CNKSR2: variants seen among roughly 807,000 people sequenced by gnomAD.
CNKSR2 encodes the protein CNK homolog protein 2.
CNKSR2 carries 14 observed loss-of-function variants against 84.4 expected under a neutral mutation model. That is an observed-to-expected ratio of 0.17 (90% CI 0.11 to 0.26). CNKSR2 has a LOEUF of 0.26. CNKSR2 is among the 10% of genes least tolerant of loss of function. The pLI is 1.00. For synonymous variants in CNKSR2, 275 were observed against 277.9 expected (o/e 0.99, Z 0.10); for missense variants, 485 against 771.2 (o/e 0.63, Z 4.40).
chrX:21,446,067 T>C (rs2090850657), intron 4 of CNKSR2, among the ~76,000 whole-genome samples: 1 of 111,961 alleles, frequency 8.9e-6, no homozygotes, highest in Non-Finnish European at 1.9e-5. Flanking sequence ...ACAGTATTTT[T>C]TCATTTCCTT....
intron 1 of CNKSR2, among the ~76,000 whole-genome samples, chrX:21,385,824 T>G (rs1353824174): frequency 9.0e-6 from 1 of 110,650 alleles, no homozygotes. Context: ...GGGCTATAGT[T>G]TTTGTGTCCT....
intron 7 of CNKSR2, 107 bp from the exon 8 acceptor site, chrX:21,501,413 A>T: frequency 2.5e-6 from 1 of 402,554 alleles, no homozygotes; most frequent in Non-Finnish European, 4.1e-6. Context: ...ATTTTTAATT[A>T]ATTTTTAAAT....
intron 17 of CNKSR2, among the ~76,000 whole-genome samples, chrX:21,600,805 T>C (rs780273904): frequency 1.5e-3 from 172 of 112,628 alleles, no homozygotes; most frequent in Non-Finnish European, 2.9e-3. Flanking sequence ...GTGTTTCCTG[T>C]TAGATTGTTA....
intron 20 of CNKSR2, among the ~76,000 whole-genome samples, chrX:21,610,154 G>A (rs1251124045): frequency 8.9e-6 from 1 of 112,132 alleles, no homozygotes. Context: ...ATTTCACATA[G>A]CATTTCTTTC....
At chrX:21,649,831 T>G (rs2092716204) in intron 21 of CNKSR2, among the ~76,000 whole-genome samples, 1 of 111,808 alleles carries the variant, frequency 8.9e-6, no homozygotes, top group Non-Finnish European at 1.9e-5. Context: ...AAAAAGCTCA[T>G]CATCACTGGT....
chrX:21,608,756 T>C (rs749415623), intron 19 of CNKSR2, among the ~76,000 whole-genome samples: 2 of 112,237 alleles, frequency 1.8e-5, no homozygotes, highest in African/African-American at 3.2e-5. Context: ...GTTTTTAAAG[T>C]GAAATTTTTG....
intron 1 of CNKSR2, among the ~76,000 whole-genome samples, chrX:21,401,783 A>G (rs2090195063): frequency 8.9e-6 from 1 of 111,797 alleles, no homozygotes; most frequent in African/African-American, 3.2e-5. Flanking sequence ...ATCCTGGGAA[A>G]CTTCTAATGT....
chrX:21,423,065 C>CCTTT (rs1425178986), intron 1 of CNKSR2, among the ~76,000 whole-genome samples: 1 of 111,724 alleles, frequency 9.0e-6, no homozygotes, highest in Non-Finnish European at 1.9e-5. Context: ...AAACAATATA[C>CCTTT]TTAAATGCCT....
chrX:21,644,902 G>A (rs1339756006), intron 20 of CNKSR2: 1 of 112,114 alleles, frequency 8.9e-6, no homozygotes, highest in East Asian at 2.8e-4. Flanking sequence ...ATCAGAAAAA[G>A]TTTGGAAACC....
chrX:21,493,505 G>A (rs185962689), intron 6 of CNKSR2: 17 of 112,085 alleles, frequency 1.5e-4, no homozygotes, highest in African/African-American at 5.5e-4. Context: ...GGCAACCTGA[G>A]CAGGAGAGAG....
chrX:21,627,495 T>A (rs1168143543), intron 20 of CNKSR2, among the ~76,000 whole-genome samples: 2 of 110,465 alleles, frequency 1.8e-5, no homozygotes, highest in African/African-American at 6.6e-5. Context: ...CAAGACTCCA[T>A]CTCAAAAAAA....
At chrX:21,468,321 A>G (rs1174706997) in intron 4 of CNKSR2, among the ~76,000 whole-genome samples, 2 of 111,532 alleles carry the variant, frequency 1.8e-5, no homozygotes, top group Non-Finnish European at 3.8e-5. Flanking sequence ...TAGGTAGCAC[A>G]TTTAAAATGT....
At chrX:21,584,021 A>G (rs2092369907) in intron 13 of CNKSR2, among the ~76,000 whole-genome samples, 1 of 112,553 alleles carries the variant, frequency 8.9e-6, no homozygotes, top group Non-Finnish European at 1.9e-5. Flanking sequence ...TATGGAAAGA[A>G]TTATGATTTC....
intron 3 of CNKSR2, among the ~76,000 whole-genome samples, chrX:21,433,653 TACACACACACACAC>T (rs56377458): frequency 1.8e-4 from 16 of 87,559 alleles, no homozygotes; most frequent in East Asian, 3.5e-4. Flanking sequence ...TATGTGTTCC[TACACACACACACAC>T]ACACACACAC....
Position 21,374,594 on chromosome X carries a change from GGCA to G in CNKSR2, c.-268_-266del, listed in dbSNP as rs3217648. The stretch of plus-strand genomic sequence containing the variant: ...ACGGAGACCGGAGCGGAGCGGCGGA[GGCA>G]GCAGCAGCAGCAGCAGCAGCAGCAG... On this transcript the variant is annotated 5_prime_UTR_variant, in exon 1 of 22. Coordinates refer to ENST00000379510, the MANE Select transcript of CNKSR2 (RefSeq NM_014927.5). 64,848 of 435,667 alleles carry G rather than the reference GGCA, an allele frequency of 0.15. 3,573 individuals are homozygous for G. Among genetic ancestry groups the G allele is most frequent in the African/African-American group, 0.29 (10,824 of 37,855 alleles). The allele number at this position is 435,667 out of a possible 1,213,427, so 35.9% of individuals were successfully genotyped here.
intron 4 of CNKSR2, among the ~76,000 whole-genome samples, chrX:21,456,279 A>G (rs2090994288): frequency 9.0e-6 from 1 of 111,517 alleles, no homozygotes; most frequent in Non-Finnish European, 1.9e-5. Context: ...GCAATACATT[A>G]TTATTGACTA....
At chrX:21,602,444 C>T (rs1055093146) in intron 18 of CNKSR2, among the ~76,000 whole-genome samples, 1 of 112,214 alleles carries the variant, frequency 8.9e-6, no homozygotes, top group East Asian at 2.8e-4. Context: ...CATGAGCCAT[C>T]GTGCCTGGCC....
intron 7 of CNKSR2, among the ~76,000 whole-genome samples, chrX:21,500,063 T>C (rs1414175377): frequency 3.6e-5 from 4 of 110,895 alleles, no homozygotes; most frequent in Non-Finnish European, 5.7e-5. Flanking sequence ...TTCATGGTAC[T>C]TGTCTGACTT....
intron 20 of CNKSR2, among the ~76,000 whole-genome samples, chrX:21,620,690 T>C (rs1302059594): frequency 9.0e-6 from 1 of 111,050 alleles, no homozygotes; most frequent in Non-Finnish European, 1.9e-5. Flanking sequence ...GATCTTAAAA[T>C]TGCAAATTAG....
Sources: gnomAD v4.1 joint callset for allele counts (sites outside exome capture counted in the v4.1 genomes callset) on GRCh38, gnomAD v4.1.1 for gene constraint, MANE v1.5 for transcripts, NCBI Gene and HGNC (gene_info 2026-07-23, HGNC 2026-07-21) for gene names.